The following NKAIN3 variants were observed in gnomAD, a reference collection of about 807,000 sequenced individuals.
NKAIN3 encodes the protein sodium/potassium-transporting ATPase subunit beta-1-interacting protein 3.
In NKAIN3, 25 loss-of-function variants were observed where a neutral mutation model predicts 30.2. That is an observed-to-expected ratio of 0.83 (90% CI 0.60 to 1.16). The LOEUF (loss-of-function observed/expected upper bound fraction) is 1.16, where lower values mean the gene tolerates loss of function less well. NKAIN3 is among the 50% of genes most tolerant of loss of function. The pLI is 0.00. For missense variants in NKAIN3, 225 were observed against 254.1 expected (o/e 0.89, Z 0.78); for synonymous variants, 91 against 89.6 (o/e 1.02, Z -0.09).
rs34652304 is a variant in NKAIN3 at position 62,460,411 on chromosome 8, C to CAA, written c.55-119113_55-119112dup. On this transcript the variant is annotated intron_variant, in intron 1 of 6. Transcript: ENST00000623646. ...GGGTGACAAGAGTAAAATTCCATCTCAAAAAAAAAAAAAAAAGAAAGAAAA... is the reference window on the plus strand; with the variant it reads ...GGGTGACAAGAGTAAAATTCCATCTCAAAAAAAAAAAAAAAAAAGAAAGAAAA... Among the ~76,000 whole-genome samples, 839 of 120,274 alleles carry CAA rather than the reference C, an allele frequency of 7.0e-3. 8 individuals carry two copies. Among genetic ancestry groups the CAA allele is most frequent in the African/African-American group, 0.024 (763 of 31,314 alleles). 78.9% of individuals were successfully genotyped at this position (120,274 alleles called of 152,430 possible). A position where few individuals can be genotyped will look rare whatever the true frequency, so the allele number is the denominator to read the frequency against.
intron 3 of NKAIN3, among the ~76,000 whole-genome samples, chr8:62,616,772 C>T (rs777392616): frequency 9.2e-5 from 14 of 152,056 alleles, no homozygotes; most frequent in Non-Finnish European, 1.6e-4. Context: ...CTTTAGCAAC[C>T]AGCTCCCATC....
intron 4 of NKAIN3, among the ~76,000 whole-genome samples, chr8:62,889,708 A>G (rs905226111): frequency 1.3e-5 from 2 of 152,208 alleles, no homozygotes; most frequent in African/African-American, 4.8e-5. Flanking sequence ...GACACAACAT[A>G]GAATTCCAGA....
At chr8:62,747,566 C>T in intron 4 of NKAIN3, among the ~76,000 whole-genome samples, 1 of 152,148 alleles carries the variant, frequency 6.6e-6, no homozygotes, top group Non-Finnish European at 1.5e-5. Flanking sequence ...AAAAACAAAT[C>T]CCACTGGAGA....
At chr8:62,914,877 G>C (rs997757297) in intron 4 of NKAIN3, among the ~76,000 whole-genome samples, 3 of 148,478 alleles carry the variant, frequency 2.0e-5, no homozygotes, top group Non-Finnish European at 3.0e-5. Context: ...ATGGTGGCTT[G>C]CTGCACCCAT....
chr8:62,316,771 T>G (rs1277635093), intron 1 of NKAIN3, among the ~76,000 whole-genome samples: 2 of 152,218 alleles, frequency 1.3e-5, no homozygotes, highest in Non-Finnish European at 2.9e-5. Flanking sequence ...CAGCATGATT[T>G]ATAATCCTTT....
chr8:62,566,449 G>A (rs1472921158), intron 1 of NKAIN3, among the ~76,000 whole-genome samples: 3 of 149,686 alleles, frequency 2.0e-5, no homozygotes, highest in South Asian at 4.3e-4. Flanking sequence ...AAATGAATGA[G>A]TGAACTAAAG....
At chr8:62,564,378 A>G (rs1476595757) in intron 1 of NKAIN3, among the ~76,000 whole-genome samples, 2 of 152,040 alleles carry the variant, frequency 1.3e-5, no homozygotes, top group African/African-American at 2.4e-5. Context: ...CACTCTCATT[A>G]CAGAGCAAGA....
chr8:62,482,941 G>A (rs1385666097), intron 1 of NKAIN3: 1 of 152,170 alleles, frequency 6.6e-6, no homozygotes, highest in Non-Finnish European at 1.5e-5. Flanking sequence ...TTTTCAAAAG[G>A]ATGTTATAAT....
intron 3 of NKAIN3, among the ~76,000 whole-genome samples, chr8:62,701,444 G>C (rs934375204): frequency 3.3e-5 from 5 of 152,254 alleles, no homozygotes; most frequent in Admixed American, 2.0e-4. Flanking sequence ...AGAGCACAAG[G>C]GGTCCTTAAA....
chr8:62,796,687 G>GCTT (rs1817871652), intron 4 of NKAIN3, among the ~76,000 whole-genome samples: 1 of 151,992 alleles, frequency 6.6e-6, no homozygotes, highest in Non-Finnish European at 1.5e-5. Flanking sequence ...ACTGTGCAGA[G>GCTT]GAACAAGTAT....
chr8:62,358,213 G>A (rs542739437), intron 1 of NKAIN3, among the ~76,000 whole-genome samples: 1 of 127,876 alleles, frequency 7.8e-6, no homozygotes, highest in Admixed American at 7.9e-5. Context: ...GAGATTGAGA[G>A]TTGAAGCTAA....
chr8:62,586,984 T>C (rs1810495227), intron 2 of NKAIN3, among the ~76,000 whole-genome samples: 1 of 152,068 alleles, frequency 6.6e-6, no homozygotes, highest in Non-Finnish European at 1.5e-5. Context: ...TGCTTTATAA[T>C]AACCAAAGGG....
intron 4 of NKAIN3, among the ~76,000 whole-genome samples, chr8:62,908,345 ACT>A (rs138835981): frequency 0.026 from 3,995 of 152,068 alleles, 155 homozygotes; most frequent in African/African-American, 0.081. Context: ...GAGACTTTGG[ACT>A]CTGGATTTTT....
chr8:62,769,689 T>C (rs1444081902), intron 4 of NKAIN3, among the ~76,000 whole-genome samples: 1 of 152,178 alleles, frequency 6.6e-6, no homozygotes, highest in Non-Finnish European at 1.5e-5. Flanking sequence ...TTCAGCATCT[T>C]ATAGTGCCTC....
At chr8:62,506,481 T>TTC (rs1807647138) in intron 1 of NKAIN3, among the ~76,000 whole-genome samples, 1 of 141,862 alleles carries the variant, frequency 7.0e-6, no homozygotes, top group Non-Finnish European at 1.5e-5. Context: ...TCTTTCTTTT[T>TTC]TTTTTTTTTT....
In NKAIN3 at chr8:62,248,944, C is replaced by A; in HGVS notation, c.-130C>A. Reference sequence around the variant, plus strand: ...CGGGCGCGAGCCCCGAGCCCTGGAGCCGCGAGCGGCGGCCGCGGGGCCGAG... The same window carrying A: ...CGGGCGCGAGCCCCGAGCCCTGGAGACGCGAGCGGCGGCCGCGGGGCCGAG... On this transcript the variant is annotated 5_prime_UTR_variant, in exon 1 of 7. Transcript: ENST00000623646. The A allele has an allele frequency of 1.3e-6, 1 of 790,224 alleles. No individual in the cohort carries two copies. Among genetic ancestry groups the A allele is most frequent in the Non-Finnish European group, 1.9e-6 (1 of 526,286 alleles). 49.0% of individuals were successfully genotyped at this position (790,224 alleles called of 1,614,324 possible). A position where few individuals can be genotyped will look rare whatever the true frequency, so the allele number is the denominator to read the frequency against.
At chr8:62,292,709 T>C (rs978064255) in intron 1 of NKAIN3, among the ~76,000 whole-genome samples, 3 of 152,210 alleles carry the variant, frequency 2.0e-5, no homozygotes, top group East Asian at 3.9e-4. Context: ...CTGACAATTA[T>C]GTGTCTTGGA....
intron 1 of NKAIN3, among the ~76,000 whole-genome samples, chr8:62,522,206 C>G (rs1334765780): frequency 6.6e-6 from 1 of 152,038 alleles, no homozygotes; most frequent in Non-Finnish European, 1.5e-5. Flanking sequence ...AATGATGGTC[C>G]TATAAGATTA....
chr8:62,816,863 C>G (rs988967186), intron 4 of NKAIN3, among the ~76,000 whole-genome samples: 3 of 152,142 alleles, frequency 2.0e-5, no homozygotes, highest in African/African-American at 7.2e-5. Flanking sequence ...AATTTTCTCC[C>G]TGGAAAGATG....
Sources: allele counts gnomAD v4.1 joint callset (sites outside exome capture counted in the v4.1 genomes callset), GRCh38; gene constraint gnomAD v4.1.1; transcripts MANE v1.5; gene names NCBI Gene and HGNC (gene_info 2026-07-23, HGNC 2026-07-21).